Variants in FUCA1 observed in about 807,000 individuals in gnomAD.
The protein encoded by FUCA1 is tissue alpha-L-fucosidase.
A neutral mutation model predicts 56.8 loss-of-function variants in FUCA1; 52 were observed. The ratio of observed to expected loss-of-function variants is 0.92; its 90% confidence interval spans 0.73 to 1.15. FUCA1 has a LOEUF of 1.15. FUCA1 is among the 50% of genes most tolerant of loss of function. FUCA1 has a pLI of 0.00. For missense variants in FUCA1, 568 were observed against 592.6 expected (o/e 0.96, Z 0.43); for synonymous variants, 230 against 226.6 (o/e 1.02, Z -0.14).
rs771567450 is a variant in FUCA1, at chr1:23,845,547, C to T, written c.*168G>A. On this transcript the variant is annotated 3_prime_UTR_variant, in exon 8 of 8. Transcript: ENST00000374479. ...TCACAATGGATCTCAGATCTTTGGTCCATTTAGACATCAGGGTAATGTACT... is the reference window on the plus strand; with the variant it reads ...TCACAATGGATCTCAGATCTTTGGTTCATTTAGACATCAGGGTAATGTACT... 28 of 738,946 alleles carry T rather than the reference C, an allele frequency of 3.8e-5. No individual in the cohort carries two copies. Among genetic ancestry groups the T allele is most frequent in the Non-Finnish European group, 5.6e-5 (24 of 431,398 alleles). 45.8% of individuals were successfully genotyped at this position (738,946 alleles called of 1,614,324 possible). A position where few individuals can be genotyped will look rare whatever the true frequency, so the allele number is the denominator to read the frequency against.
chr1:23,853,604 G>A (rs1184411733), intron 5 of FUCA1, among the ~76,000 whole-genome samples: 2 of 151,626 alleles, frequency 1.3e-5, no homozygotes, highest in Non-Finnish European at 2.9e-5. Flanking sequence ...TGACAATGGC[G>A]GTTTTGTGGA....
At position 23,867,660 on chromosome 1, in the gene FUCA1, A is replaced by T; in HGVS notation, c.389+238T>A. 1 of 937,656 alleles carries T rather than the reference A, an allele frequency of 1.1e-6. No individual in the cohort carries two copies. The highest frequency in any genetic ancestry group is 1.3e-6 in the Non-Finnish European group (1 of 786,442). 58.1% of individuals were successfully genotyped at this position (937,656 alleles called of 1,614,324 possible). On this transcript the variant is annotated intron_variant, in intron 1 of 7. Coordinates refer to ENST00000374479, the MANE Select transcript of FUCA1 (RefSeq NM_000147.5). This position sits in a 1 kb window ranked among gnomAD's most constrained non-coding sequence, Gnocchi z 4.9. ...GCCCTCTCGGTGCACAGGTGCAGAT[A>T]CCCAGGGCTTCCCAGCCTGCCATCT...
intron 5 of FUCA1, among the ~76,000 whole-genome samples, chr1:23,850,576 T>C (rs1639235164): frequency 6.6e-6 from 1 of 151,974 alleles, no homozygotes; most frequent in Admixed American, 6.6e-5. Flanking sequence ...CTCTGCCTCC[T>C]GGGTTCAAGC....
chr1:23,857,886 T>C (rs1639426787), intron 4 of FUCA1, among the ~76,000 whole-genome samples: 1 of 151,556 alleles, frequency 6.6e-6, no homozygotes, highest in Admixed American at 6.6e-5. Context: ...GCCAGGCTGG[T>C]CCTGAACTCC....
chr1:23,853,220 T>C (rs1639308858), intron 5 of FUCA1, among the ~76,000 whole-genome samples: 1 of 145,898 alleles, frequency 6.9e-6, no homozygotes. Flanking sequence ...ATCTGAGAAG[T>C]GAGGAAACCC....
chr1:23,849,696 C>T lies in FUCA1; in HGVS notation c.970-857G>A, dbSNP rs575394825. On this transcript the variant is annotated intron_variant, in intron 5 of 7. Transcript: ENST00000374479. ...CTCCTGGGTTCAAGTGATTCTCCTG[C>T]CTCAGGCTCCCGAGTAGCTGGGACT... 9.4e-5 allele frequency among the ~76,000 whole-genome samples: 14 copies of T among 149,718 alleles called. 1 individual carries two copies. In the South Asian group the frequency reaches 2.7e-3, roughly 29 times the overall value.
chr1:23,865,414 ACG>A (rs1288416743), intron 2 of FUCA1, 75 bp downstream of exon 2: 10 of 1,585,570 alleles, frequency 6.3e-6, no homozygotes, highest in Non-Finnish European at 7.8e-6. Context: ...TAGAAAACAC[ACG>A]CAAGTAGAGG....
intron 5 of FUCA1, among the ~76,000 whole-genome samples, chr1:23,853,623 G>A (rs536880852): frequency 2.0e-5 from 3 of 151,658 alleles, no homozygotes; most frequent in Non-Finnish European, 4.4e-5. Context: ...GAATAGAAAG[G>A]GGGGAAAGGC....
Position 23,868,266 on chromosome 1 carries a change from C to T in FUCA1, c.21G>A (p.Arg7=). Residue 7 remains arginine (R), a synonymous_variant, in exon 1 of 8, where the codon AGG becomes AGA. Coordinates refer to ENST00000374479, the MANE Select transcript of FUCA1 (RefSeq NM_000147.5). MRAPGM[R]SRPAGPALLL... ...ACAGCGCGGGACCCGCCGGCCGCGA[C>T]CTCATCCCCGGAGCCCGCATCGCTA... The T allele has an allele frequency of 6.4e-7, 1 of 1,555,242 alleles. No individual in the cohort carries two copies. The highest frequency in any genetic ancestry group is 8.7e-7 in the Non-Finnish European group (1 of 1,152,020).
Position 23,848,778 on chromosome 1 carries a change from T to C in FUCA1, c.1031A>G (p.Asp344Gly), listed in dbSNP as rs367783196. The C allele has an allele frequency of 6.2e-7, 1 of 1,614,196 alleles. No individual in the cohort carries two copies. The highest frequency in any genetic ancestry group is 1.1e-5 in the South Asian group (1 of 91,080). The change falls in exon 6 of 8, where the codon GAT becomes GGT. Residue 344 changes from aspartate (D) to glycine (G), a missense_variant. Asp to Gly is a moderately conservative substitution (Grantham distance 94). Transcript: ENST00000374479. Reference sequence around the variant, plus strand: ...TTGGAAGATGGGAACAATCAGTCCATCTTTAGTTGGTCCAATGTTCAGAAG... The same window carrying C: ...TTGGAAGATGGGAACAATCAGTCCACCTTTAGTTGGTCCAATGTTCAGAAG... ...NYLLNIGPTK[D>G]GLIVPIFQER...
At chr1:23,852,450 CCT>C (rs1639282068) in intron 5 of FUCA1, among the ~76,000 whole-genome samples, 1 of 147,714 alleles carries the variant, frequency 6.8e-6, no homozygotes, top group African/African-American at 2.6e-5. Flanking sequence ...CTCCCCTCTC[CCT>C]CTCCCTCTCC....
intron 2 of FUCA1, 113 bp from the exon 3 acceptor site, chr1:23,863,384 A>G (rs1639549911): frequency 9.7e-7 from 1 of 1,030,778 alleles, no homozygotes; most frequent in East Asian, 2.6e-5. Flanking sequence ...TCATAAGAGC[A>G]TATAGAGAGG....
chr1:23,854,687 C>A lies in FUCA1; in HGVS notation c.769-127G>T. The A allele has an allele frequency of 5.1e-6, 4 of 780,634 alleles. No homozygotes were observed. In the Admixed American group the frequency reaches 7.8e-5, roughly 15 times the overall value. The allele number at this position is 780,634 out of a possible 1,614,324, so 48.4% of individuals were successfully genotyped here. ...TAGAGCAGTGGCTGTCAACTGGGGG[C>A]AATTTTGCTCTGGAGGGGACATTTG... On this transcript the variant is annotated intron_variant, in intron 4 of 7. Coordinates refer to ENST00000374479, the MANE Select transcript of FUCA1 (RefSeq NM_000147.5).
At chr1:23,865,292 A>C in intron 2 of FUCA1, among the ~76,000 whole-genome samples, 199 bp downstream of exon 2, 1 of 152,206 alleles carries the variant, frequency 6.6e-6, no homozygotes, top group East Asian at 1.9e-4. Context: ...AGCATCAAAC[A>C]CTGCCAATTC....
chr1:23,855,107 C>CA lies in FUCA1; in HGVS notation c.769-548dup, dbSNP rs769987268. 8.2e-3 allele frequency among the ~76,000 whole-genome samples: 1,069 copies of CA among 130,172 alleles called. 11 individuals carry two copies. The highest frequency in any genetic ancestry group is 0.03 in the Admixed American group (385 of 12,990). The allele number at this position is 130,172 out of a possible 152,430, so 85.4% of individuals were successfully genotyped here. A position where few individuals can be genotyped will look rare whatever the true frequency, so the allele number is the denominator to read the frequency against. On this transcript the variant is annotated intron_variant, in intron 4 of 7. Transcript: ENST00000374479. ...AAAAAAGTCTTAAGACAATCCCACTCAAAAAAAAAAAAAATAGCAAATTCT... is the reference window on the plus strand; with the variant it reads ...AAAAAAGTCTTAAGACAATCCCACTCAAAAAAAAAAAAAAATAGCAAATTCT...
chr1:23,847,478 T>C (rs905095696), intron 6 of FUCA1, among the ~76,000 whole-genome samples: 5 of 152,138 alleles, frequency 3.3e-5, no homozygotes, highest in African/African-American at 1.2e-4. Flanking sequence ...CAAATTCATA[T>C]GTCGATGGTA....
chr1:23,859,970 A>ATTT, intron 3 of FUCA1, 67 bp from the exon 4 acceptor site: 7 of 883,328 alleles, frequency 7.9e-6, no homozygotes, highest in Non-Finnish European at 8.7e-6. Flanking sequence ...CTTATGGACC[A>ATTT]TTTTTTTTTT....
intron 5 of FUCA1, among the ~76,000 whole-genome samples, chr1:23,852,869 C>A (rs1450129631): frequency 8.6e-5 from 13 of 151,886 alleles, no homozygotes; most frequent in African/African-American, 2.2e-4. Flanking sequence ...CCCAAAGTGC[C>A]GAGATTGCAG....
intron 4 of FUCA1, among the ~76,000 whole-genome samples, chr1:23,857,640 G>A (rs906823535): frequency 1.3e-5 from 2 of 151,584 alleles, no homozygotes; most frequent in African/African-American, 4.9e-5. Context: ...GGGATTAGAG[G>A]TGCCCACCAC....
Sources: gnomAD v4.1 joint callset for allele counts (sites outside exome capture counted in the v4.1 genomes callset) on GRCh38, gnomAD v4.1.1 for gene constraint, Gnocchi (gnomAD v3.1) non-coding constraint, MANE v1.5 for transcripts, NCBI Gene and HGNC (gene_info 2026-07-23, HGNC 2026-07-21) for gene names.